ESPNL: variants seen among roughly 807,000 people sequenced by gnomAD.
ESPNL encodes espin-like protein.
A neutral mutation model predicts 46.8 loss-of-function variants in ESPNL; 49 were observed. The ratio of observed to expected loss-of-function variants is 1.05; its 90% confidence interval spans 0.83 to 1.33. The LOEUF (loss-of-function observed/expected upper bound fraction) is 1.33, where lower values mean the gene tolerates loss of function less well. ESPNL is among the 40% of genes most tolerant of loss of function. The pLI, the probability that ESPNL is intolerant of heterozygous loss-of-function variation, is 0.00. For synonymous variants in ESPNL, 664 were observed against 662.1 expected (o/e 1.00, Z -0.04); for missense variants, 1,540 against 1,436.6 (o/e 1.07, Z -1.16).
At chr2:238,104,449 C>G (rs1691549461) in intron 2 of ESPNL, among the ~76,000 whole-genome samples, 1 of 152,208 alleles carries the variant, frequency 6.6e-6, no homozygotes, top group Non-Finnish European at 1.5e-5. Context: ...CAGGAGTCCC[C>G]AGAAAAGGAC....
chr2:238,113,801 G>T (rs753638108), intron 4 of ESPNL, among the ~76,000 whole-genome samples: 1 of 152,142 alleles, frequency 6.6e-6, no homozygotes, highest in Non-Finnish European at 1.5e-5. Flanking sequence ...GATGGAACCC[G>T]CACGGTTCCT....
chr2:238,131,074 C>A lies in ESPNL; in HGVS notation c.2360C>A (p.Pro787Gln). ...EAARSPGPPS[P>Q]PSEGPRLGHL... ...GCCAGGAGCCCTGGGCCACCCTCCC[C>A]GCCCAGCGAGGGCCCCCGGCTGGGC... The change falls in exon 9 of 9, where the codon CCG becomes CAG. Residue 787 changes from proline to glutamine, a missense_variant. By Grantham distance (76) the Pro-to-Gln change is moderately conservative (BLOSUM62 -1). Coordinates refer to ENST00000343063, the MANE Select transcript of ESPNL (RefSeq NM_194312.4). 4 of 1,540,752 alleles carry A rather than the reference C, an allele frequency of 2.6e-6. No individual in the cohort carries two copies. The highest frequency in any genetic ancestry group is 3.5e-6 in the Non-Finnish European group (4 of 1,144,916).
chr2:238,123,770 C>G (rs371002472), intron 5 of ESPNL, among the ~76,000 whole-genome samples: 10 of 152,324 alleles, frequency 6.6e-5, no homozygotes, highest in Admixed American at 1.3e-4. Flanking sequence ...CTCCCCAGCC[C>G]ACCGCGCACC....
chr2:238,127,809 A>G, intron 7 of ESPNL, 75 bp downstream of exon 7: 2 of 1,169,842 alleles, frequency 1.7e-6, no homozygotes, highest in South Asian at 2.8e-5. Context: ...TTAGGGGCCC[A>G]GAGAAGCCCC....
intron 8 of ESPNL, 87 bp downstream of exon 8, chr2:238,128,991 A>G (rs1692212789): frequency 5.4e-6 from 8 of 1,471,904 alleles, no homozygotes; most frequent in South Asian, 4.0e-5. Context: ...CCCGAAGCCC[A>G]GAACTGAATC....
intron 3 of ESPNL, among the ~76,000 whole-genome samples, chr2:238,106,146 G>A (rs537422430): frequency 1.3e-5 from 2 of 152,254 alleles, no homozygotes; most frequent in Admixed American, 6.5e-5. Context: ...GCGTGTAGGC[G>A]CCAGGAGCTC....
intron 5 of ESPNL, among the ~76,000 whole-genome samples, chr2:238,119,543 G>A (rs1169509826): frequency 2.7e-4 from 32 of 119,286 alleles, no homozygotes; most frequent in African/African-American, 9.7e-4. Flanking sequence ...GAGGTGGATG[G>A]AGGAGGTGGA....
At chr2:238,126,819 G>A (rs1184956776) in intron 6 of ESPNL, among the ~76,000 whole-genome samples, 3 of 151,028 alleles carry the variant, frequency 2.0e-5, no homozygotes, top group Non-Finnish European at 2.9e-5. Context: ...CTGTGTCTGT[G>A]TGTTTCTCTG....
chr2:238,107,247 G>A (rs184473326), intron 3 of ESPNL, among the ~76,000 whole-genome samples: 64 of 152,328 alleles, frequency 4.2e-4, no homozygotes, highest in African/African-American at 7.0e-4. Context: ...GGCAGATGAG[G>A]CCCCAGAGGC....
At chr2:238,109,863 A>T (rs56044301) in intron 4 of ESPNL, among the ~76,000 whole-genome samples, 1 of 135,556 alleles carries the variant, frequency 7.4e-6, no homozygotes, top group African/African-American at 2.8e-5. Flanking sequence ...CCCATTTAGG[A>T]TGCCATACGT....
At chr2:238,124,818 C>G (rs374185475) in intron 5 of ESPNL, among the ~76,000 whole-genome samples, 2 of 144,004 alleles carry the variant, frequency 1.4e-5, no homozygotes, top group East Asian at 4.1e-4. Context: ...AGTGTACGTG[C>G]ATGTGTGCAG....
rs903010238 is a variant in ESPNL at position 238,100,494 on chromosome 2, C to T, written c.75C>T (p.Gly25=). The T allele has an allele frequency of 2.3e-5, 37 of 1,598,142 alleles. No homozygotes were observed. The highest frequency in any genetic ancestry group is 2.7e-5 in the African/African-American group (2 of 74,754). The change falls in exon 1 of 9, where the codon GGC becomes GGT. Residue 25 remains glycine, a synonymous_variant. Coordinates refer to ENST00000343063, the MANE Select transcript of ESPNL (RefSeq NM_194312.4). ...VATLERLLEA[G]ALGPGITDAL... ...CGTTGGAGCGGCTGCTGGAGGCTGG[C>T]GCCCTGGGCCCGGGCATCACCGATG...
At position 238,107,971 on chromosome 2, in the gene ESPNL, G is replaced by A. The variant is rs1574729315; in HGVS notation, c.853G>A (p.Glu285Lys). 1 of 1,609,694 alleles carries A rather than the reference G, an allele frequency of 6.2e-7. No individual in the cohort carries two copies. Among genetic ancestry groups the A allele is most frequent in the Non-Finnish European group, 8.5e-7 (1 of 1,177,830 alleles). Reference protein sequence around the residue: ...LHDAAENGQMECCQTLVSHHV... With the variant: ...LHDAAENGQMKCCQTLVSHHV... ...CGACGCAGCAGAGAACGGGCAGATG[G>A]AGGTAAGGTGGGCGTGAGGGAGACA... Residue 285 changes from glutamate to lysine, a missense_variant and splice_region_variant, in exon 4 of 9, where the codon GAG (glutamate) becomes AAG (lysine). Glu to Lys is a moderately conservative substitution (Grantham distance 56, BLOSUM62 1). Transcript: ENST00000343063.
In ESPNL at chr2:238,130,310, G is replaced by A. The variant is rs752755533; in HGVS notation, c.1596G>A (p.Arg532=). 1 of 1,606,838 alleles carries A rather than the reference G, an allele frequency of 6.2e-7. No individual in the cohort carries two copies. Among genetic ancestry groups the A allele is most frequent in the South Asian group, 1.1e-5 (1 of 90,112 alleles). ...AGGAGTATGAGAGTGAGCTGGGCCGGTTGGCGGCTGAGCTGCAGGCCCTGC... is the reference window on the plus strand; with the variant it reads ...AGGAGTATGAGAGTGAGCTGGGCCGATTGGCGGCTGAGCTGCAGGCCCTGC... The part of the protein sequence containing the change: ...RCQEYESELG[R]LAAELQALLP... Residue 532 remains arginine, a synonymous_variant, in exon 9 of 9, where the codon CGG becomes CGA. Coordinates refer to ENST00000343063, the MANE Select transcript of ESPNL (RefSeq NM_194312.4).
intron 5 of ESPNL, among the ~76,000 whole-genome samples, chr2:238,124,754 C>T (rs1277003317): frequency 3.6e-5 from 5 of 139,778 alleles, no homozygotes; most frequent in Non-Finnish European, 7.6e-5. Flanking sequence ...CATGTGTGTG[C>T]AGGAGAGTGT....
Position 238,116,979 on chromosome 2 carries a change from C to A in ESPNL, c.932C>A (p.Ala311Glu). Residue 311 changes from alanine to glutamate, a missense_variant, in exon 5 of 9, where the codon GCG (alanine) becomes GAG (glutamate). Physicochemically the swap from Ala to Glu is moderately radical, Grantham distance 107 (BLOSUM62 -1). Coordinates refer to ENST00000343063, the MANE Select transcript of ESPNL (RefSeq NM_194312.4). ...GATGGTTACACGGCGGCAGACCTGG[C>A]GGAGTACCATGGACACCGGGACTGC... Reference protein sequence around the residue: ...DEDGYTAADLAEYHGHRDCAQ... With the variant: ...DEDGYTAADLEEYHGHRDCAQ... The A allele has an allele frequency of 6.2e-7, 1 of 1,612,480 alleles. No individual in the cohort carries two copies. Among genetic ancestry groups the A allele is most frequent in the Non-Finnish European group, 8.5e-7 (1 of 1,179,754 alleles).
intron 5 of ESPNL, among the ~76,000 whole-genome samples, chr2:238,124,749 G>A (rs1692065395): frequency 6.6e-6 from 1 of 151,454 alleles, no homozygotes; most frequent in Non-Finnish European, 1.5e-5. Context: ...ACATGCATGT[G>A]TGTGCAGGAG....
chr2:238,128,084 G>T (rs955754078), intron 7 of ESPNL, among the ~76,000 whole-genome samples: 2 of 152,346 alleles, frequency 1.3e-5, no homozygotes, highest in African/African-American at 4.8e-5. Context: ...GCAGGGCCCC[G>T]CTGCCACCGT....
At chr2:238,104,520 C>A in intron 2 of ESPNL, 136 bp from the exon 3 acceptor site, 1 of 1,028,480 alleles carries the variant, frequency 9.7e-7, no homozygotes, top group East Asian at 2.9e-5. Context: ...GGGAACCCCG[C>A]AGCAGCAGCT....
Sources: gnomAD v4.1 joint callset for allele counts (sites outside exome capture counted in the v4.1 genomes callset) on GRCh38, gnomAD v4.1.1 for gene constraint, MANE v1.5 for transcripts, NCBI Gene and HGNC (gene_info 2026-07-23, HGNC 2026-07-21) for gene names.